Variants in CEP128 observed in about 807,000 individuals in gnomAD.
CEP128 encodes the protein centrosomal protein 128, also known as centrosomal protein 128kDa.
In CEP128, 132 loss-of-function variants were observed where a neutral mutation model predicts 156.7. That is an observed-to-expected ratio of 0.84 (90% confidence interval 0.73 to 0.97). The LOEUF (loss-of-function observed/expected upper bound fraction) is 0.97. CEP128 is among the 50% of genes least tolerant of loss of function. The pLI is 0.00. For missense variants in CEP128, 1,252 were observed against 1,281.9 expected (o/e 0.98, Z 0.36); for synonymous variants, 469 against 448.9 (o/e 1.04, Z -0.57).
intron 14 of CEP128, among the ~76,000 whole-genome samples, chr14:80,792,467 A>G (rs1901759968): frequency 6.6e-6 from 1 of 152,246 alleles, no homozygotes; most frequent in Non-Finnish European, 1.5e-5. Flanking sequence ...GGAATATTAG[A>G]AGATTAAACA....
At chr14:80,628,305 T>C (rs1451654527) in intron 19 of CEP128, among the ~76,000 whole-genome samples, 1 of 152,170 alleles carries the variant, frequency 6.6e-6, no homozygotes, top group Non-Finnish European at 1.5e-5. Context: ...TGTTTATCAG[T>C]TTCCTCACTT....
Position 80,730,713 on chromosome 14 carries a change from C to T in CEP128, c.2806+12362G>A, listed in dbSNP as rs193063263. Among the ~76,000 whole-genome samples, 5 of 152,218 alleles carry T rather than the reference C, an allele frequency of 3.3e-5. No individual in the cohort carries two copies. The East Asian group carries it at 9.6e-4, about 29-fold the overall frequency. ...TTTGTGCTTTTGAAAACTACAGTGT[C>T]CATTAATCACTGTGAATTTCAAAAA... On this transcript the variant is annotated intron_variant, in intron 19 of 24. Transcript: ENST00000555265.
intron 19 of CEP128, among the ~76,000 whole-genome samples, chr14:80,729,057 G>GT (rs879297029): frequency 0.038 from 3,929 of 102,094 alleles, 555 homozygotes; most frequent in African/African-American, 0.21. Flanking sequence ...GGGCTGGTGG[G>GT]GGTGTGTGTG....
chr14:80,671,207 T>C (rs1479783749), intron 19 of CEP128, among the ~76,000 whole-genome samples: 2 of 152,104 alleles, frequency 1.3e-5, no homozygotes, highest in African/African-American at 4.8e-5. Flanking sequence ...ACATAACACA[T>C]TAAAAGCTAG....
intron 19 of CEP128, among the ~76,000 whole-genome samples, chr14:80,622,603 A>C (rs1456469723): frequency 2.0e-5 from 3 of 150,284 alleles, no homozygotes; most frequent in African/African-American, 7.3e-5. Flanking sequence ...AACTCAAACA[A>C]ATTTACAAGA....
chr14:80,630,669 C>A (rs762115940), intron 19 of CEP128, among the ~76,000 whole-genome samples: 1 of 151,994 alleles, frequency 6.6e-6, no homozygotes, highest in Admixed American at 6.6e-5. Context: ...AAGCCAACAA[C>A]CAAATATTTC....
chr14:80,654,086 G>A (rs954638448), intron 19 of CEP128, among the ~76,000 whole-genome samples: 6 of 152,128 alleles, frequency 3.9e-5, no homozygotes, highest in African/African-American at 1.4e-4. Flanking sequence ...TTCATGGGCA[G>A]TAGGAGGCTT....
intron 20 of CEP128, among the ~76,000 whole-genome samples, chr14:80,559,732 C>G (rs6574586): frequency 0.57 from 85,947 of 152,024 alleles, 24,615 homozygotes; most frequent in East Asian, 0.72. Context: ...CCACAACAAG[C>G]TGAAATTCAG....
chr14:80,838,127 T>A, intron 11 of CEP128, 77 bp downstream of exon 11: 1 of 1,036,844 alleles, frequency 9.6e-7, no homozygotes, highest in East Asian at 2.4e-5. Context: ...TTTTTTCCTT[T>A]CACAAAGACA....
intron 13 of CEP128, among the ~76,000 whole-genome samples, chr14:80,812,861 C>T (rs1463378475): frequency 1.3e-5 from 2 of 152,096 alleles, no homozygotes; most frequent in Non-Finnish European, 2.9e-5. Flanking sequence ...CCGCGCCCGG[C>T]CTGTTTTTGT....
At chr14:80,590,446 C>T (rs1272302988) in intron 19 of CEP128, among the ~76,000 whole-genome samples, 2 of 151,960 alleles carry the variant, frequency 1.3e-5, no homozygotes, top group African/African-American at 2.4e-5. Context: ...AAAAAAGTCA[C>T]ATTTTTTAAA....
chr14:80,663,394 T>C (rs1895479399), intron 19 of CEP128, among the ~76,000 whole-genome samples: 1 of 152,110 alleles, frequency 6.6e-6, no homozygotes, highest in African/African-American at 2.4e-5. Flanking sequence ...GTAGCAAAAG[T>C]TTTCAAAACA....
chr14:80,935,556 CAATA>C (rs59491221), intron 2 of CEP128, among the ~76,000 whole-genome samples: 14,078 of 113,704 alleles, frequency 0.12, 1,159 homozygotes, highest in African/African-American at 0.22. Context: ...GAGTCTGTCT[CAATA>C]AATAAATAAA....
intron 9 of CEP128, among the ~76,000 whole-genome samples, chr14:80,848,906 A>G (rs1886747067): frequency 2.0e-5 from 3 of 151,314 alleles, no homozygotes; most frequent in African/African-American, 4.8e-5. Context: ...TGGGCAACAG[A>G]GTGAGACTGT....
intron 13 of CEP128, among the ~76,000 whole-genome samples, chr14:80,806,847 G>A (rs1418452187): frequency 1.3e-5 from 2 of 152,080 alleles, no homozygotes; most frequent in Non-Finnish European, 2.9e-5. Flanking sequence ...TTGAGGGAGA[G>A]AAACTAAATA....
At chr14:80,590,382 G>C (rs1360037391) in intron 19 of CEP128, among the ~76,000 whole-genome samples, 2 of 151,960 alleles carry the variant, frequency 1.3e-5, no homozygotes, top group Non-Finnish European at 2.9e-5. Context: ...TTACTTACAG[G>C]GGGAAACAAT....
intron 17 of CEP128, among the ~76,000 whole-genome samples, chr14:80,757,845 C>T (rs369488975): frequency 1.3e-5 from 2 of 152,322 alleles, no homozygotes; most frequent in African/African-American, 4.8e-5. Context: ...GTGCCCACCA[C>T]ATATCACATA....
At chr14:80,882,824 A>T (rs926478189) in intron 8 of CEP128, among the ~76,000 whole-genome samples, 10 of 152,198 alleles carry the variant, frequency 6.6e-5, no homozygotes, top group African/African-American at 2.4e-4. Context: ...ACATGTTCTC[A>T]CTTATTTGTG....
At chr14:80,822,809 T>C in intron 13 of CEP128, 1 of 744,308 alleles carries the variant, frequency 1.3e-6, no homozygotes, top group Non-Finnish European at 2.5e-6. Context: ...TGTGTGCATT[T>C]TTGATAACTG....
Sources: gnomAD v4.1 joint callset for allele counts (sites outside exome capture counted in the v4.1 genomes callset) on GRCh38, gnomAD v4.1.1 for gene constraint, MANE v1.5 for transcripts, NCBI Gene and HGNC (gene_info 2026-07-23, HGNC 2026-07-21) for gene names.